The following RUVBL1 variants were observed in gnomAD, a reference collection of about 807,000 sequenced individuals.
RUVBL1 encodes RuvB like AAA ATPase 1.
RUVBL1 carries 4 observed loss-of-function variants against 52.4 expected under a neutral mutation model. That is an observed-to-expected ratio of 0.08 (90% CI 0.04 to 0.17). The LOEUF (loss-of-function observed/expected upper bound fraction) is 0.17. RUVBL1 is among the 10% of genes least tolerant of loss of function. RUVBL1 has a pLI of 1.00. For missense variants in RUVBL1, 298 were observed against 572.8 expected, an observed-to-expected ratio of 0.52 and a Z score of 4.90; for synonymous variants, 217 against 214.4, an observed-to-expected ratio of 1.01 and a Z score of -0.10.
upstream of RUVBL1, among the ~76,000 whole-genome samples, chr3:128,125,228 A>G (rs926729993): frequency 3.3e-5 from 5 of 151,632 alleles, no homozygotes. Context: ...TGTTAGCCAG[A>G]ATGGTCTCAA....
At chr3:128,139,304 G>T (rs997012197) in intron 1 of RUVBL1, among the ~76,000 whole-genome samples, 2 of 152,152 alleles carry the variant, frequency 1.3e-5, no homozygotes, top group Non-Finnish European at 2.9e-5. Flanking sequence ...CCTGACAAGG[G>T]ATTAATAACC....
chr3:128,123,152 A>G (rs955888435), intron 1 of RUVBL1, among the ~76,000 whole-genome samples: 4 of 152,184 alleles, frequency 2.6e-5, no homozygotes, highest in Admixed American at 6.5e-5. Flanking sequence ...ACCGTGGCCG[A>G]CAAAGCCCTG....
intron 8 of RUVBL1, among the ~76,000 whole-genome samples, chr3:128,089,319 C>A (rs1942754820): frequency 6.6e-6 from 1 of 152,222 alleles, no homozygotes; most frequent in Admixed American, 6.5e-5. Flanking sequence ...ATGGGGCCAG[C>A]CTTCAGCTAG....
rs1232949970 is a variant in RUVBL1 at position 128,067,330 on chromosome 3, T to C, written c.940-2110A>G. Reference sequence around the variant, plus strand: ...TTGTACTGTGGGCACCGAGTAAAATTGCATTCTTTCATCTGCTCAGAACTA... The same window carrying C: ...TTGTACTGTGGGCACCGAGTAAAATCGCATTCTTTCATCTGCTCAGAACTA... On this transcript the variant is annotated intron_variant, in intron 9 of 9. Coordinates refer to the RUVBL1 transcript ENST00000464873. This position sits in a 1 kb window ranked among gnomAD's most constrained non-coding sequence, Gnocchi z 4.1. 2 of 1,407,480 alleles carry C rather than the reference T, an allele frequency of 1.4e-6. No homozygotes were observed. Among genetic ancestry groups the C allele is most frequent in the Non-Finnish European group, 1.9e-6 (2 of 1,027,748 alleles). The allele number at this position is 1,407,480 out of a possible 1,614,324, so 87.2% of individuals were successfully genotyped here.
Position 128,087,707 on chromosome 3 carries a change from T to C in RUVBL1, c.1118A>G (p.Gln373Arg). The C allele has an allele frequency of 6.2e-7, 1 of 1,611,264 alleles. No individual in the cohort carries two copies. Residue 373 changes from glutamine (Q) to arginine (R), a missense_variant and splice_region_variant, in exon 9 of 11, where the codon CAG becomes CGG. Gln to Arg is a conservative substitution (Grantham distance 43). This residue lies in a region of RUVBL1 where 161 missense variants were observed against 298.3 expected (regional missense o/e 0.54). Transcript: ENST00000322623. ...CAGGAGGGAAGAAGGGAGGCTCACCTGTTTCATTTCCTGTGGAGTATACAG... is the reference window on the plus strand; with the variant it reads ...CAGGAGGGAAGAAGGGAGGCTCACCCGTTTCATTTCCTGTGGAGTATACAG... The part of the protein sequence containing the change: ...TMLYTPQEMK[Q>R]IIKIRAQTEG...
chr3:128,097,861 G>A (rs1018904353), intron 7 of RUVBL1, among the ~76,000 whole-genome samples: 3 of 152,174 alleles, frequency 2.0e-5, no homozygotes, highest in Non-Finnish European at 2.9e-5. Flanking sequence ...TGTCTGATCT[G>A]GGAGACATTG....
intron 1 of RUVBL1, among the ~76,000 whole-genome samples, chr3:128,141,545 G>C (rs556705030): frequency 6.6e-6 from 1 of 152,228 alleles, no homozygotes; most frequent in African/African-American, 2.4e-5. Flanking sequence ...ACCCAGGCCG[G>C]AGTGTAAGTG....
At chr3:128,088,158 A>G (rs926962455) in intron 8 of RUVBL1, among the ~76,000 whole-genome samples, 6 of 151,806 alleles carry the variant, frequency 4.0e-5, no homozygotes, top group Non-Finnish European at 7.4e-5. Flanking sequence ...GCTACTCAGG[A>G]GGCTGAGGCA....
intron 9 of RUVBL1, chr3:128,084,553 G>C (rs1441831280): frequency 6.6e-6 from 1 of 152,182 alleles, no homozygotes; most frequent in Admixed American, 6.5e-5. Context: ...GAGATGCACT[G>C]AATCTGTGGC....
intron 8 of RUVBL1, among the ~76,000 whole-genome samples, chr3:128,095,258 T>C (rs1485938551): frequency 6.6e-6 from 1 of 152,212 alleles, no homozygotes; most frequent in Non-Finnish European, 1.5e-5. Context: ...TCTGCAGGTA[T>C]GGGCTGGGCT....
chr3:128,065,802 TCTCGA>T (rs1363014520), intron 9 of RUVBL1, among the ~76,000 whole-genome samples: 1 of 138,880 alleles, frequency 7.2e-6, no homozygotes, highest in African/African-American at 2.7e-5. Context: ...AGTGGCGCGA[TCTCGA>T]CTCGACTCAC....
chr3:128,112,743 G>GA (rs1292209346), intron 3 of RUVBL1, 145 bp downstream of exon 3: 1 of 903,590 alleles, frequency 1.1e-6, no homozygotes. Flanking sequence ...TGTTTTATTT[G>GA]AAAAATAATG....
intron 1 of RUVBL1, among the ~76,000 whole-genome samples, chr3:128,121,430 G>A (rs1943645068): frequency 6.7e-6 from 1 of 149,612 alleles, no homozygotes; most frequent in African/African-American, 2.4e-5. Flanking sequence ...AAAAAACCTA[G>A]CCAGGCGCGT....
chr3:128,086,016 C>A (rs1468883640), intron 9 of RUVBL1, among the ~76,000 whole-genome samples: 4 of 152,132 alleles, frequency 2.6e-5, no homozygotes, highest in Non-Finnish European at 5.9e-5. Flanking sequence ...CCTCATCTGT[C>A]TTTTTTTGAG....
At chr3:128,135,703 T>C (rs1943938179) in intron 1 of RUVBL1, among the ~76,000 whole-genome samples, 1 of 152,206 alleles carries the variant, frequency 6.6e-6, no homozygotes. Flanking sequence ...AATGCTAAAG[T>C]GAATTCTTCA....
At chr3:128,090,475 T>C (rs1205706351) in intron 8 of RUVBL1, among the ~76,000 whole-genome samples, 1 of 152,164 alleles carries the variant, frequency 6.6e-6, no homozygotes, top group Admixed American at 6.5e-5. Flanking sequence ...ACCGAGATCG[T>C]GTCACTGCAC....
chr3:128,088,568 T>G (rs1942727327), intron 8 of RUVBL1, among the ~76,000 whole-genome samples: 1 of 150,762 alleles, frequency 6.6e-6, no homozygotes, highest in Admixed American at 6.6e-5. Context: ...AGTATGCAAG[T>G]TTTTTTTGTT....
At chr3:128,083,271 G>C (rs1942536997) in intron 9 of RUVBL1, 6 of 152,298 alleles carry the variant, frequency 3.9e-5, no homozygotes, top group Admixed American at 3.9e-4. Flanking sequence ...GTGTGTTGTG[G>C]AGCTGAGATA....
chr3:128,105,865 CTTTTTTTT>C (rs11311563), intron 3 of RUVBL1, among the ~76,000 whole-genome samples: 87 of 88,910 alleles, frequency 9.8e-4, no homozygotes, highest in Non-Finnish European at 1.6e-3. Context: ...TTCCCTTTTT[CTTTTTTTT>C]TTTTTTTTTT....
Sources: gnomAD v4.1 joint callset for allele counts (sites outside exome capture counted in the v4.1 genomes callset) on GRCh38, gnomAD v4.1.1 for gene constraint, gnomAD v4.1.1 regional missense constraint, Gnocchi (gnomAD v3.1) non-coding constraint, MANE v1.5 for transcripts, NCBI Gene and HGNC (gene_info 2026-07-23, HGNC 2026-07-21) for gene names.